The following EXOSC9 variants were observed in gnomAD, a reference collection of about 807,000 sequenced individuals.
EXOSC9 encodes exosome component 9, also known as exosome complex component RRP45.
A neutral mutation model predicts 56.5 loss-of-function variants in EXOSC9; 38 were observed. That is an observed-to-expected ratio of 0.67 (90% CI 0.52 to 0.88). EXOSC9 has a LOEUF of 0.88. Ranked by LOEUF, EXOSC9 falls within the 40% of genes least tolerant of loss-of-function variation. The pLI, the probability that EXOSC9 is intolerant of heterozygous loss-of-function variation, is 0.00. For missense variants in EXOSC9, 559 were observed against 530.5 expected, an observed-to-expected ratio of 1.05 and a Z score of -0.53; for synonymous variants, 170 against 170.8, an observed-to-expected ratio of 0.99 and a Z score of 0.04.
chr4:121,802,634 G>T (rs1348940997), intron 2 of EXOSC9, 40 bp from the exon 3 acceptor site: 6 of 1,592,608 alleles, frequency 3.8e-6, no homozygotes, highest in Non-Finnish European at 5.1e-6. Flanking sequence ...TTTGGAAGGA[G>T]AGTCTATTTG....
Position 121,816,428 on chromosome 4 carries a change from A to T in EXOSC9, c.1216A>T (p.Lys406Ter), listed in dbSNP as rs1156334113. The change falls in exon 11 of 12, where the codon AAG becomes TAG. Residue 406 changes from lysine to a stop codon, truncating the protein, a stop_gained. Coordinates refer to ENST00000243498, the MANE Select transcript of EXOSC9 (RefSeq NM_005033.3). LOFTEE classifies it high-confidence loss of function. ...AGAAATGATCATTTTGGAACCAGAC[A>T]AGAATCCAAAGAAAATAAGGTAACA... is the stretch of plus-strand genomic sequence containing the variant. ...EEEMIILEPDKNPKKIRTQTT... is the reference protein window; with the variant it reads ...EEEMIILEPD The T allele has an allele frequency of 6.3e-7, 1 of 1,576,156 alleles. No individual in the cohort carries two copies. Among genetic ancestry groups the T allele is most frequent in the Non-Finnish European group, 8.6e-7 (1 of 1,159,978 alleles).
In EXOSC9 at chr4:121,813,409, A is replaced by G. The variant is rs754283218; in HGVS notation, c.974+29A>G. On this transcript the variant is annotated intron_variant, in intron 9 of 11. Coordinates refer to ENST00000243498, the MANE Select transcript of EXOSC9 (RefSeq NM_005033.3). ...TCTTTATTTGGTGGTTTTTGCAGTA[A>G]CAAGATTCATAACACTTGGCATTAT... is the stretch of plus-strand genomic sequence containing the variant. 10 of 1,597,860 alleles carry G rather than the reference A, an allele frequency of 6.3e-6. No individual in the cohort carries two copies. In the South Asian group the frequency reaches 1.1e-4, roughly 18 times the overall value.
intron 5 of EXOSC9, among the ~76,000 whole-genome samples, chr4:121,805,904 T>G (rs1727008095): frequency 6.7e-6 from 1 of 149,928 alleles, no homozygotes; most frequent in Non-Finnish European, 1.5e-5. Flanking sequence ...CTCCTGGACT[T>G]AAGCAATCCT....
rs752343205 is a variant in EXOSC9 at position 121,813,928 on chromosome 4, C to G, written c.1037C>G (p.Ser346Cys). 1 of 1,613,390 alleles carries G rather than the reference C, an allele frequency of 6.2e-7. No homozygotes were observed. Among genetic ancestry groups the G allele is most frequent in the Non-Finnish European group, 8.5e-7 (1 of 1,179,494 alleles). Residue 346 changes from serine (S) to cysteine (C), a missense_variant, in exon 10 of 12, where the codon TCC (serine) becomes TGC (cysteine). By Grantham distance (112) the Ser-to-Cys change is moderately radical. Transcript: ENST00000243498. ...TAQIGEGVEN[S>C]WGDLEDSEKE... is the part of the protein sequence containing the mutation. Reference sequence around the variant, plus strand: ...CAAATTGGAGAGGGAGTAGAAAACTCCTGGGGTGATCTTGAAGACTCTGAG... The same window carrying G: ...CAAATTGGAGAGGGAGTAGAAAACTGCTGGGGTGATCTTGAAGACTCTGAG...
chr4:121,807,488 G>A, intron 5 of EXOSC9, 52 bp from the exon 6 acceptor site: 2 of 1,055,526 alleles, frequency 1.9e-6, no homozygotes, highest in South Asian at 2.9e-5. Flanking sequence ...TGATTTTTTT[G>A]GATGTTCATA....
intron 6 of EXOSC9, among the ~76,000 whole-genome samples, chr4:121,808,534 A>AT (rs1004319533): frequency 1.7e-4 from 26 of 151,186 alleles, no homozygotes; most frequent in East Asian, 1.9e-4. Context: ...TAATTTTTGT[A>AT]TTTTTTTTGT....
In EXOSC9 at chr4:121,802,756, C is replaced by T; in HGVS notation, c.244C>T (p.Leu82Phe). 1.2e-6 allele frequency: 2 copies of T among 1,614,088 alleles called. No homozygotes were observed. The highest frequency in any genetic ancestry group is 1.7e-6 in the Non-Finnish European group (2 of 1,179,990). ...AGGTATTCTTTTTTTTAACCTTGAA[C>T]TCTCTCAGATGGCCGCTCCAGCTTT... ...TEGILFFNLE[L>F]SQMAAPAFEP... Residue 82 changes from leucine (L) to phenylalanine (F), a missense_variant, in exon 3 of 12, where the codon CTC becomes TTC. Coordinates refer to ENST00000243498, the MANE Select transcript of EXOSC9 (RefSeq NM_005033.3).
intron 9 of EXOSC9, 57 bp from the exon 10 acceptor site, chr4:121,813,806 ATCT>A: frequency 8.0e-7 from 1 of 1,249,836 alleles, no homozygotes; most frequent in Non-Finnish European, 1.1e-6. Context: ...TTTCATTCTC[ATCT>A]TCAACAGTTC....
At chr4:121,815,292 C>T (rs949922516) in intron 10 of EXOSC9, 1 of 886,042 alleles carries the variant, frequency 1.1e-6, no homozygotes, top group African/African-American at 1.8e-5. Flanking sequence ...TAAGTTGTTT[C>T]CATTTTCTCA....
chr4:121,815,942 T>TAAAGA, intron 10 of EXOSC9: 1 of 1,231,746 alleles, frequency 8.1e-7, no homozygotes. Context: ...GAAGCTGATT[T>TAAAGA]AAAGAAAAGA....
At chr4:121,801,533 C>G in intron 1 of EXOSC9, 43 bp downstream of exon 1, 1 of 1,593,028 alleles carries the variant, frequency 6.3e-7, no homozygotes, top group Non-Finnish European at 8.6e-7. Flanking sequence ...CGTGGGCGCT[C>G]GGGTCTCAAG....
chr4:121,804,790 T>TTC, intron 5 of EXOSC9, 31 bp downstream of exon 5: 1 of 1,533,132 alleles, frequency 6.5e-7, no homozygotes, highest in Non-Finnish European at 8.9e-7. Flanking sequence ...GGATCCTTGA[T>TTC]ATGAATGAAT....
intron 8 of EXOSC9, among the ~76,000 whole-genome samples, chr4:121,812,233 A>C (rs1727232742): frequency 6.6e-6 from 1 of 152,210 alleles, no homozygotes; most frequent in Non-Finnish European, 1.5e-5. Flanking sequence ...GACCCTCCTA[A>C]GAGCAAGAGG....
chr4:121,801,630 A>G (rs1031284131), intron 1 of EXOSC9, 140 bp downstream of exon 1: 2 of 869,546 alleles, frequency 2.3e-6, no homozygotes, highest in African/African-American at 1.7e-5. Context: ...GGCTTTATTT[A>G]TTTTTTTTCG....
chr4:121,816,682 A>C, intron 11 of EXOSC9, 90 bp from the exon 12 acceptor site: 2 of 1,309,550 alleles, frequency 1.5e-6, no homozygotes, highest in Non-Finnish European at 2.1e-6. Context: ...CACATTTTAG[A>C]TCCTACTGGA....
At chr4:121,815,824 CT>C (rs1578508884) in intron 10 of EXOSC9, 1 of 1,051,084 alleles carries the variant, frequency 9.5e-7, no homozygotes, top group African/African-American at 1.7e-5. Flanking sequence ...ACATTTCCCC[CT>C]AGCTTTTCTA....
At position 121,801,465 on chromosome 4, in the gene EXOSC9, T is replaced by C. The variant is rs139632595; in HGVS notation, c.41T>C (p.Leu14Pro). 4.8e-5 allele frequency: 78 copies of C among 1,614,210 alleles called. No homozygotes were observed. In the African/African-American group the frequency reaches 9.6e-4, roughly 20 times the overall value. The stretch of plus-strand genomic sequence containing the variant: ...CTCTCAAACTGCGAACGCCGCTTCC[T>C]ACTCCGTGCCATCGAAGAGAAGAAG... ...TPLSNCERRFLLRAIEEKKRL... is the reference protein window; with the variant it reads ...TPLSNCERRFPLRAIEEKKRL... The change falls in exon 1 of 12, where the codon CTA (leucine) becomes CCA (proline). Residue 14 changes from leucine (L) to proline (P), a missense_variant. Transcript: ENST00000243498.
intron 5 of EXOSC9, among the ~76,000 whole-genome samples, chr4:121,805,730 G>A (rs1462806973): frequency 6.6e-6 from 1 of 152,000 alleles, no homozygotes. Context: ...GGAAAAGTTT[G>A]GTAGCTTAAG....
At chr4:121,816,123 T>G in intron 10 of EXOSC9, 1 of 630,782 alleles carries the variant, frequency 1.6e-6, no homozygotes, top group Non-Finnish European at 2.7e-6. Context: ...GCCTGGCTAA[T>G]TTTTCTATTA....
Sources: gnomAD v4.1 joint callset for allele counts (sites outside exome capture counted in the v4.1 genomes callset) on GRCh38, gnomAD v4.1.1 for gene constraint, MANE v1.5 for transcripts, NCBI Gene and HGNC (gene_info 2026-07-23, HGNC 2026-07-21) for gene names.